Variants in MARCHF1 observed in about 807,000 individuals in gnomAD.
MARCHF1 encodes E3 ubiquitin-protein ligase MARCHF1.
In MARCHF1, 40 loss-of-function variants were observed where a neutral mutation model predicts 54.2. That is an observed-to-expected ratio of 0.74 (90% CI 0.57 to 0.96). The LOEUF (loss-of-function observed/expected upper bound fraction) is 0.96. Ranked by LOEUF, MARCHF1 falls within the 40% of genes least tolerant of loss-of-function variation. MARCHF1 has a pLI of 0.00. For missense variants in MARCHF1, 586 were observed against 656.5 expected (o/e 0.89, Z 1.17); for synonymous variants, 236 against 236.3 (o/e 1.00, Z 0.01).
At chr4:163,652,515 A>G (rs1743003453) in intron 5 of MARCHF1, among the ~76,000 whole-genome samples, 1 of 151,754 alleles carries the variant, frequency 6.6e-6, no homozygotes, top group African/African-American at 2.4e-5. Flanking sequence ...TCGGCAGAGT[A>G]GCTTCCTTTT....
chr4:163,561,395 G>T (rs1484305757), intron 8 of MARCHF1, among the ~76,000 whole-genome samples: 1 of 152,100 alleles, frequency 6.6e-6, no homozygotes, highest in Non-Finnish European at 1.5e-5. Context: ...AAAATATTGT[G>T]CACATCTGTG....
intron 2 of MARCHF1, among the ~76,000 whole-genome samples, chr4:164,030,971 C>T (rs1205155238): frequency 2.6e-5 from 4 of 152,002 alleles, no homozygotes; most frequent in Admixed American, 6.6e-5. Context: ...AAGGAGTGGG[C>T]TGAGACAATG....
At chr4:163,570,043 T>TTA (rs1739789610) in intron 8 of MARCHF1, among the ~76,000 whole-genome samples, 1 of 152,172 alleles carries the variant, frequency 6.6e-6, no homozygotes, top group Non-Finnish European at 1.5e-5. Flanking sequence ...GCTTACTTTA[T>TTA]TAATTTGCTC....
At chr4:163,750,476 A>C (rs1213799061) in intron 4 of MARCHF1, among the ~76,000 whole-genome samples, 1 of 151,722 alleles carries the variant, frequency 6.6e-6, no homozygotes, top group African/African-American at 2.4e-5. Context: ...GCGCCACTGC[A>C]CTCCAGCCTG....
rs188065657 is a variant in MARCHF1 at position 164,334,360 on chromosome 4, C to T, written c.-323+49510G>A. 2.4e-4 allele frequency among the ~76,000 whole-genome samples: 37 copies of T among 152,222 alleles called. 2 individuals carry two copies. In the East Asian group the frequency reaches 6.8e-3, roughly 28 times the overall value. On this transcript the variant is annotated intron_variant, in intron 1 of 9. Transcript: ENST00000514618. ...ATGCAGCTTTGACATTATGTGGAAG[C>T]GAACACTCATTTACCATTCTAAAAA...
At chr4:164,128,445 T>A (rs1449441218) in intron 1 of MARCHF1, among the ~76,000 whole-genome samples, 1 of 151,338 alleles carries the variant, frequency 6.6e-6, no homozygotes, top group Non-Finnish European at 1.5e-5. Context: ...AGACTTAAAA[T>A]CCCACAGAAA....
chr4:164,190,373 G>T (rs1731092793), intron 1 of MARCHF1: 2 of 536,114 alleles, frequency 3.7e-6, no homozygotes, highest in Admixed American at 3.4e-5. Context: ...TGTAAATACT[G>T]GACTCAGGAA....
chr4:163,672,768 G>C (rs1046314309), intron 5 of MARCHF1, among the ~76,000 whole-genome samples: 7 of 152,190 alleles, frequency 4.6e-5, no homozygotes, highest in African/African-American at 1.7e-4. Context: ...GGGGTGGGCA[G>C]GGTTGTCTTC....
rs551421395 is a variant in MARCHF1, at chr4:164,142,475, G to C, written c.-322-30813C>G. Among the ~76,000 whole-genome samples the C allele has an allele frequency of 4.6e-3, 696 of 152,270 alleles. 6 individuals are homozygous for C. Among genetic ancestry groups the C allele is most frequent in the African/African-American group, 0.015 (640 of 41,564 alleles). On this transcript the variant is annotated intron_variant, in intron 1 of 9. Coordinates refer to ENST00000514618, the MANE Select transcript of MARCHF1 (RefSeq NM_001394959.1). ...TCTCCCAGCACGCAGCTGGAGATCT[G>C]AGAACCAGCAGACAGCCTCCTCAAG...
intron 1 of MARCHF1, among the ~76,000 whole-genome samples, chr4:164,264,911 ACT>A (rs775093581): frequency 2.7e-4 from 40 of 146,566 alleles, no homozygotes; most frequent in Non-Finnish European, 4.5e-4. Context: ...CAAGAGCAAG[ACT>A]CTGTCGAAAA....
intron 1 of MARCHF1, among the ~76,000 whole-genome samples, chr4:164,136,143 A>T (rs1223068174): frequency 6.6e-6 from 1 of 151,872 alleles, no homozygotes; most frequent in African/African-American, 2.4e-5. Context: ...AGTGACGTTG[A>T]CATGATGGCA....
At chr4:164,140,237 C>CATATAT (rs1756496224) in intron 1 of MARCHF1, among the ~76,000 whole-genome samples, 1 of 62,214 alleles carries the variant, frequency 1.6e-5, no homozygotes, top group Non-Finnish European at 4.3e-5. Flanking sequence ...CATACACACA[C>CATATAT]ACTATATATA....
In MARCHF1 at chr4:163,773,513, G is replaced by A. The variant is rs372899177; in HGVS notation, c.112-72650C>T. 1.7e-4 allele frequency among the ~76,000 whole-genome samples: 26 copies of A among 152,268 alleles called. No homozygotes were observed. The South Asian group carries it at 5.4e-3, about 32-fold the overall frequency. On this transcript the variant is annotated intron_variant, in intron 4 of 9. Transcript: ENST00000514618. ...CACTTCCATGGGCTATAAGGCAAAT[G>A]CTGTGGTTACCTTGCTAATAGTGAA...
At chr4:163,638,013 T>A (rs202116203) in intron 5 of MARCHF1, among the ~76,000 whole-genome samples, 7 of 148,110 alleles carry the variant, frequency 4.7e-5, no homozygotes, top group Admixed American at 2.7e-4. Flanking sequence ...AACACCGCAT[T>A]TTCTCACTCA....
chr4:163,672,003 A>G (rs1743752613), intron 5 of MARCHF1, among the ~76,000 whole-genome samples: 1 of 152,260 alleles, frequency 6.6e-6, no homozygotes, highest in East Asian at 1.9e-4. Context: ...TAACTCACCT[A>G]TTTTGTACTG....
chr4:163,579,191 A>T (rs985947709), intron 8 of MARCHF1, among the ~76,000 whole-genome samples: 1 of 152,224 alleles, frequency 6.6e-6, no homozygotes, highest in Non-Finnish European at 1.5e-5. Flanking sequence ...GGAGACACTT[A>T]TACTTTTCAT....
intron 1 of MARCHF1, among the ~76,000 whole-genome samples, chr4:164,176,499 C>A (rs994116271): frequency 2.0e-5 from 3 of 152,016 alleles, no homozygotes; most frequent in Non-Finnish European, 4.4e-5. Context: ...TAACACCAAA[C>A]CCCTTAGCAA....
chr4:164,205,850 T>G (rs1044514498), intron 1 of MARCHF1, among the ~76,000 whole-genome samples: 1 of 152,144 alleles, frequency 6.6e-6, no homozygotes, highest in Non-Finnish European at 1.5e-5. Context: ...AAAATCTAAC[T>G]GAACTAAACA....
At chr4:164,248,272 G>A (rs1403739727) in intron 1 of MARCHF1, among the ~76,000 whole-genome samples, 1 of 151,892 alleles carries the variant, frequency 6.6e-6, no homozygotes, top group Admixed American at 6.6e-5. Flanking sequence ...ATTAATTTGT[G>A]ACTTTGGGTA....
Sources: allele counts gnomAD v4.1 joint callset (sites outside exome capture counted in the v4.1 genomes callset), GRCh38; gene constraint gnomAD v4.1.1; transcripts MANE v1.5; gene names NCBI Gene and HGNC (gene_info 2026-07-23, HGNC 2026-07-21).